Variants in TMEFF2 observed in about 807,000 individuals in gnomAD.
TMEFF2 encodes the protein tomoregulin-2.
A neutral mutation model predicts 53.8 loss-of-function variants in TMEFF2; 28 were observed. The ratio of observed to expected loss-of-function variants is 0.52; its 90% confidence interval spans 0.39 to 0.71. TMEFF2 has a LOEUF of 0.71. Among genes scored for constraint, TMEFF2 ranks in the 30% least tolerant of loss-of-function variants. The probability of loss-of-function intolerance (pLI) is 0.00; values close to 1 mark genes in which losing one functional copy is unlikely to be tolerated. For missense variants in TMEFF2, 353 were observed against 455.2 expected (o/e 0.78, Z 2.04); for synonymous variants, 162 against 166.3 (o/e 0.97, Z 0.20).
chr2:191,994,568 C>G (rs983659555), intron 7 of TMEFF2, among the ~76,000 whole-genome samples: 1 of 150,332 alleles, frequency 6.7e-6, no homozygotes, highest in African/African-American at 2.4e-5. Flanking sequence ...ACATGAGGGA[C>G]ACACACACAC....
intron 5 of TMEFF2, chr2:192,028,630 C>T (rs890861804): frequency 6.6e-6 from 1 of 151,972 alleles, no homozygotes; most frequent in African/African-American, 2.4e-5. Flanking sequence ...CATTTCTTAT[C>T]AGCAAGCAAA....
chr2:192,059,053 G>C (rs891996569), intron 4 of TMEFF2, among the ~76,000 whole-genome samples: 30 of 151,970 alleles, frequency 2.0e-4, no homozygotes, highest in African/African-American at 6.8e-4. Context: ...GTTCAGATGA[G>C]TAATTTGATT....
At position 192,135,149 on chromosome 2, in the gene TMEFF2, A is replaced by G. The variant is rs576179003; in HGVS notation, c.439+44519T>C. Among the ~76,000 whole-genome samples the G allele has an allele frequency of 3.3e-5, 5 of 152,202 alleles. No individual in the cohort carries two copies. The East Asian group carries it at 7.7e-4, about 24-fold the overall frequency. On this transcript the variant is annotated intron_variant, in intron 4 of 9. Coordinates refer to ENST00000272771, the MANE Select transcript of TMEFF2 (RefSeq NM_016192.4). ...CTATTTTCTGTCTAGTCATACTCCT[A>G]TTCTCCGTTCTCAACTATTCATATA...
chr2:192,078,538 A>G (rs2105923300), intron 4 of TMEFF2, among the ~76,000 whole-genome samples: 1 of 152,330 alleles, frequency 6.6e-6, no homozygotes, highest in African/African-American at 2.4e-5. Context: ...GATACATTGC[A>G]GAGATATTTT....
intron 4 of TMEFF2, among the ~76,000 whole-genome samples, chr2:192,084,325 C>T (rs1307132883): frequency 6.6e-6 from 1 of 152,166 alleles, no homozygotes; most frequent in Non-Finnish European, 1.5e-5. Flanking sequence ...CTCTGTTCCA[C>T]AGCAAAATTA....
At chr2:192,025,491 A>G (rs1237509002) in intron 5 of TMEFF2, among the ~76,000 whole-genome samples, 1 of 152,012 alleles carries the variant, frequency 6.6e-6, no homozygotes, top group Non-Finnish European at 1.5e-5. Flanking sequence ...AGTTGGTGCA[A>G]CTCTCACTTA....
intron 4 of TMEFF2, among the ~76,000 whole-genome samples, chr2:192,066,285 G>A (rs1050972063): frequency 3.0e-4 from 46 of 151,606 alleles, no homozygotes; most frequent in African/African-American, 1.1e-3. Flanking sequence ...TCAGATTTTA[G>A]GGAGGAAATC....
intron 4 of TMEFF2, among the ~76,000 whole-genome samples, chr2:192,123,124 C>A (rs1304953164): frequency 2.0e-5 from 3 of 152,136 alleles, no homozygotes. Context: ...TACTTTTCAA[C>A]CTTTGGCAAG....
chr2:192,034,860 C>T (rs1687244275), intron 5 of TMEFF2: 1 of 152,264 alleles, frequency 6.6e-6, no homozygotes, highest in Non-Finnish European at 1.5e-5. Flanking sequence ...CCCTATCCTG[C>T]TTTTCACTGG....
At chr2:192,073,009 G>T (rs1574347847) in intron 4 of TMEFF2, among the ~76,000 whole-genome samples, 1 of 152,062 alleles carries the variant, frequency 6.6e-6, no homozygotes, top group South Asian at 2.1e-4. Context: ...CTCCCACACT[G>T]CCTGACAAGC....
intron 7 of TMEFF2, among the ~76,000 whole-genome samples, chr2:191,994,882 C>T (rs958342991): frequency 4.0e-5 from 6 of 151,838 alleles, no homozygotes; most frequent in Non-Finnish European, 7.4e-5. Context: ...GATCCAAAGC[C>T]CTTTATTCAA....
chr2:192,041,927 C>T (rs1007678202), intron 5 of TMEFF2, among the ~76,000 whole-genome samples: 4 of 151,998 alleles, frequency 2.6e-5, no homozygotes, highest in African/African-American at 7.2e-5. Flanking sequence ...GATCACTGAT[C>T]GGCCAGGTGC....
chr2:192,119,343 C>A (rs1222365242), intron 4 of TMEFF2, among the ~76,000 whole-genome samples: 1 of 152,072 alleles, frequency 6.6e-6, no homozygotes, highest in Admixed American at 6.5e-5. Flanking sequence ...AAATTAATTG[C>A]AAATGTTCTT....
Position 192,079,618 on chromosome 2 carries a change from C to T in TMEFF2, c.440-21843G>A, listed in dbSNP as rs890470342. Among the ~76,000 whole-genome samples, 5 of 152,122 alleles carry T rather than the reference C, an allele frequency of 3.3e-5. No individual in the cohort carries two copies. The East Asian group carries it at 9.6e-4, about 29-fold the overall frequency. On this transcript the variant is annotated intron_variant, in intron 4 of 9. Coordinates refer to ENST00000272771, the MANE Select transcript of TMEFF2 (RefSeq NM_016192.4). Reference sequence around the variant, plus strand: ...TATGTATTGTTGTTAGAGTATTAGACTCTAATATATGTACAAATAAAGATT... The same window carrying T: ...TATGTATTGTTGTTAGAGTATTAGATTCTAATATATGTACAAATAAAGATT...
At chr2:192,034,067 C>T (rs1311934774) in intron 5 of TMEFF2, among the ~76,000 whole-genome samples, 2 of 150,120 alleles carry the variant, frequency 1.3e-5, no homozygotes, top group Non-Finnish European at 2.9e-5. Flanking sequence ...CCCAGCTACT[C>T]AGGAGGCTGA....
intron 4 of TMEFF2, among the ~76,000 whole-genome samples, chr2:192,069,529 CA>C (rs570530572): frequency 6.7e-6 from 1 of 150,352 alleles, no homozygotes; most frequent in Admixed American, 6.6e-5. Flanking sequence ...GAAAACAAAC[CA>C]AAAAAAACCC....
At chr2:192,115,701 G>A (rs2356949) in intron 4 of TMEFF2, among the ~76,000 whole-genome samples, 29 of 151,864 alleles carry the variant, frequency 1.9e-4, no homozygotes, top group African/African-American at 6.3e-4. Flanking sequence ...TCATTTATTC[G>A]AAAGCTTACA....
At chr2:192,127,320 G>A (rs977829866) in intron 4 of TMEFF2, among the ~76,000 whole-genome samples, 1 of 152,182 alleles carries the variant, frequency 6.6e-6, no homozygotes, top group Non-Finnish European at 1.5e-5. Context: ...AAATTATACA[G>A]GGCTCATTAA....
At chr2:192,120,885 G>A (rs541762940) in intron 4 of TMEFF2, among the ~76,000 whole-genome samples, 4 of 152,018 alleles carry the variant, frequency 2.6e-5, no homozygotes, top group East Asian at 1.9e-4. Context: ...ACAGGTGGGC[G>A]TCACCATGCC....
Sources: gnomAD v4.1 joint callset for allele counts (sites outside exome capture counted in the v4.1 genomes callset) on GRCh38, gnomAD v4.1.1 for gene constraint, MANE v1.5 for transcripts, NCBI Gene and HGNC (gene_info 2026-07-23, HGNC 2026-07-21) for gene names.